The following FAM227B variants were observed in gnomAD, a reference collection of about 807,000 sequenced individuals.
FAM227B encodes the protein protein FAM227B.
A neutral mutation model predicts 73.8 loss-of-function variants in FAM227B; 88 were observed. That is an observed-to-expected ratio of 1.19 (90% CI 1.00 to 1.42). FAM227B has a LOEUF of 1.42. Ranked by LOEUF, FAM227B falls within the 40% of genes most tolerant of loss-of-function variation. The pLI is 0.00. For synonymous variants in FAM227B, 210 were observed against 190.5 expected, an observed-to-expected ratio of 1.10 and a Z score of -0.84; for missense variants, 632 against 590.9, an observed-to-expected ratio of 1.07 and a Z score of -0.72.
intron 10 of FAM227B, among the ~76,000 whole-genome samples, chr15:49,511,425 T>C (rs12439710): frequency 6.6e-5 from 10 of 152,204 alleles, no homozygotes; most frequent in Admixed American, 3.9e-4. Context: ...TCTTTGAAGA[T>C]TGAGTTAGTA....
At chr15:49,570,426 C>G (rs2075009489) in intron 8 of FAM227B, among the ~76,000 whole-genome samples, 1 of 151,840 alleles carries the variant, frequency 6.6e-6, no homozygotes, top group African/African-American at 2.4e-5. Flanking sequence ...TTTTCAAATA[C>G]TGTTCACATA....
rs577820552 is a variant in FAM227B at position 49,616,901 on chromosome 15, A to G, written c.-72-1658T>C. On this transcript the variant is annotated intron_variant, in intron 1 of 15. Transcript: ENST00000299338. ...TTCATTTTTCATTTCTGAAATTTGT[A>G]CTTTTCTTTATCTTGGTCAGTCTAT... is the stretch of plus-strand genomic sequence containing the variant. Among the ~76,000 whole-genome samples, 9 of 152,258 alleles carry G rather than the reference A, an allele frequency of 5.9e-5. No homozygotes were observed. In the East Asian group the frequency reaches 1.7e-3, roughly 29 times the overall value.
intron 13 of FAM227B, chr15:49,366,134 G>T: frequency 1.0e-6 from 1 of 982,118 alleles, no homozygotes. Flanking sequence ...TCCACCTAAT[G>T]CCACAGTGAA....
At chr15:49,343,541 G>A (rs1333143806) in intron 13 of FAM227B, 1 of 152,084 alleles carries the variant, frequency 6.6e-6, no homozygotes, top group Non-Finnish European at 1.5e-5. Context: ...TACCCAATAC[G>A]ATTTTATTTG....
chr15:49,342,358 TTTTG>T (rs1336425959), intron 13 of FAM227B, among the ~76,000 whole-genome samples: 1 of 152,200 alleles, frequency 6.6e-6, no homozygotes, highest in Non-Finnish European at 1.5e-5. Flanking sequence ...TCCTGCTCTT[TTTTG>T]TTTTCCATTT....
intron 11 of FAM227B, among the ~76,000 whole-genome samples, chr15:49,419,978 G>A (rs8025433): frequency 0.018 from 2,756 of 152,128 alleles, 33 homozygotes; most frequent in Non-Finnish European, 0.027. Flanking sequence ...AAATGCAAAG[G>A]ATAACTACAA....
chr15:49,518,031 A>C (rs751743955), intron 10 of FAM227B, among the ~76,000 whole-genome samples: 9 of 152,178 alleles, frequency 5.9e-5, no homozygotes, highest in Non-Finnish European at 1.0e-4. Flanking sequence ...CGTAAACTTC[A>C]TATTACTGAT....
At chr15:49,415,710 CT>C (rs1176023554) in intron 11 of FAM227B, among the ~76,000 whole-genome samples, 5 of 152,002 alleles carry the variant, frequency 3.3e-5, no homozygotes, top group Non-Finnish European at 7.4e-5. Context: ...AGTCAAGTAA[CT>C]TTTGTAAACT....
intron 9 of FAM227B, among the ~76,000 whole-genome samples, chr15:49,550,770 C>T (rs576956031): frequency 7.9e-5 from 12 of 151,322 alleles, no homozygotes; most frequent in East Asian, 3.9e-4. Flanking sequence ...GGATGGCGGC[C>T]GGGCAGAGAC....
At chr15:49,386,207 T>C (rs1033765648) in intron 11 of FAM227B, among the ~76,000 whole-genome samples, 1 of 151,598 alleles carries the variant, frequency 6.6e-6, no homozygotes, top group African/African-American at 2.4e-5. Context: ...ATTCTTCTCA[T>C]GAGCACGTGG....
chr15:49,442,381 A>T lies in FAM227B; in HGVS notation c.1012+65830T>A, dbSNP rs117429726. On this transcript the variant is annotated intron_variant, in intron 11 of 15. Coordinates refer to ENST00000299338, the MANE Select transcript of FAM227B (RefSeq NM_152647.3). The stretch of plus-strand genomic sequence containing the variant: ...CTTGGCCATTTCAGTCCACCCCTGC[A>T]CACTGCTGAGTACCTTGTGAGAGTA... 7.4e-3 allele frequency among the ~76,000 whole-genome samples: 1,128 copies of T among 151,792 alleles called. 6 individuals are homozygous for T. The highest frequency in any genetic ancestry group is 0.017 in the Middle Eastern group (5 of 294).
intron 13 of FAM227B, among the ~76,000 whole-genome samples, chr15:49,360,095 G>T (rs1299307448): frequency 1.7e-5 from 2 of 118,444 alleles, no homozygotes; most frequent in Non-Finnish European, 3.4e-5. Context: ...GTTGTGGGGT[G>T]GGGGGAGGGG....
rs148736727 is a variant in FAM227B, at chr15:49,546,839, C to T, written c.748-5033G>A. 2.0e-3 allele frequency among the ~76,000 whole-genome samples: 307 copies of T among 152,250 alleles called. 2 individuals carry two copies. The highest frequency in any genetic ancestry group is 7.1e-3 in the African/African-American group (295 of 41,540). On this transcript the variant is annotated intron_variant, in intron 9 of 15. Coordinates refer to ENST00000299338, the MANE Select transcript of FAM227B (RefSeq NM_152647.3). ...CCTGAAAGTGATGGGGAGAATAGAA[C>T]CAAGTTAGAAAACACTCTGCAGGAT...
chr15:49,616,922 T>C (rs1038274489), intron 1 of FAM227B, among the ~76,000 whole-genome samples: 2 of 152,228 alleles, frequency 1.3e-5, no homozygotes, highest in Non-Finnish European at 2.9e-5. Context: ...TCTTGGTCAG[T>C]CTATCTAAAG....
chr15:49,423,284 A>G (rs2151744440), intron 11 of FAM227B: 1 of 152,216 alleles, frequency 6.6e-6, no homozygotes, highest in African/African-American at 2.4e-5. Flanking sequence ...ACAGAGAGAA[A>G]ATCCTTCTGC....
In FAM227B at chr15:49,524,021, GAT is replaced by G. The variant is rs576074321; in HGVS notation, c.875-15675_875-15674del. On this transcript the variant is annotated intron_variant, in intron 10 of 15. Coordinates refer to ENST00000299338, the MANE Select transcript of FAM227B (RefSeq NM_152647.3). ...TTTTAAAGGGAAACAGAGCACAAAA[GAT>G]AAAAAAAATTGCAGCCTGATTATGC... Among the ~76,000 whole-genome samples the G allele has an allele frequency of 2.0e-3, 298 of 151,762 alleles. 1 individual carries two copies. The highest frequency in any genetic ancestry group is 6.9e-3 in the African/African-American group (286 of 41,492).
At chr15:49,377,886 G>T (rs2046273811) in intron 11 of FAM227B, among the ~76,000 whole-genome samples, 1 of 152,010 alleles carries the variant, frequency 6.6e-6, no homozygotes, top group South Asian at 2.1e-4. Flanking sequence ...TGTCAATGTT[G>T]CCTTTGATTG....
At chr15:49,478,596 G>A (rs2055586862) in intron 11 of FAM227B, among the ~76,000 whole-genome samples, 1 of 152,014 alleles carries the variant, frequency 6.6e-6, no homozygotes. Context: ...ATGCCAAAGA[G>A]GGTATATTTG....
chr15:49,419,650 A>AT (rs749473953), intron 11 of FAM227B, among the ~76,000 whole-genome samples: 4 of 152,180 alleles, frequency 2.6e-5, no homozygotes, highest in Non-Finnish European at 5.9e-5. Flanking sequence ...ATATGCCTTA[A>AT]TAAAACACAT....
Sources: allele counts gnomAD v4.1 joint callset (sites outside exome capture counted in the v4.1 genomes callset), GRCh38; gene constraint gnomAD v4.1.1; transcripts MANE v1.5; gene names NCBI Gene and HGNC (gene_info 2026-07-23, HGNC 2026-07-21).